Variants in PTK2B observed in about 807,000 individuals in gnomAD.
The protein encoded by PTK2B is protein tyrosine kinase 2 beta.
A neutral mutation model predicts 142.9 loss-of-function variants in PTK2B; 71 were observed. That is an observed-to-expected ratio of 0.50 (90% confidence interval 0.41 to 0.61). The LOEUF (loss-of-function observed/expected upper bound fraction) is 0.61, where lower values mean the gene tolerates loss of function less well. Among genes scored for constraint, PTK2B ranks in the 20% least tolerant of loss-of-function variants. The pLI, the probability that PTK2B is intolerant of heterozygous loss-of-function variation, is 0.00. For synonymous variants in PTK2B, 519 were observed against 503.4 expected (o/e 1.03, Z -0.42); for missense variants, 1,105 against 1,320.4 (o/e 0.84, Z 2.53).
chr8:27,443,950 C>T (rs936356820), intron 22 of PTK2B, among the ~76,000 whole-genome samples: 10 of 152,246 alleles, frequency 6.6e-5, no homozygotes, highest in Non-Finnish European at 1.2e-4. Flanking sequence ...GGAAGCAACA[C>T]ATGCACCAAT....
chr8:27,454,022 A>G lies in PTK2B; in HGVS notation c.2596-132A>G, dbSNP rs540145020. The G allele has an allele frequency of 7.5e-5, 98 of 1,306,352 alleles. No homozygotes were observed. The Middle Eastern group carries it at 1.2e-3, about 16-fold the overall frequency. 80.9% of individuals were successfully genotyped at this position (1,306,352 alleles called of 1,614,324 possible). The stretch of plus-strand genomic sequence containing the variant: ...GGCAATGCACCCCGGGACAGGGCAC[A>G]ATTATTCTAAAGAAGAGTCCTTTCC... On this transcript the variant is annotated intron_variant, in intron 28 of 30. Coordinates refer to ENST00000346049, the MANE Select transcript of PTK2B (RefSeq NM_173176.3).
intron 13 of PTK2B, 105 bp downstream of exon 13, chr8:27,434,664 A>G (rs1810663734): frequency 7.8e-7 from 1 of 1,282,092 alleles, no homozygotes. Flanking sequence ...CAAGTGACAG[A>G]AAAATGATCC....
At chr8:27,413,710 T>C (rs1274813727) in intron 2 of PTK2B, among the ~76,000 whole-genome samples, 1 of 152,230 alleles carries the variant, frequency 6.6e-6, no homozygotes, top group East Asian at 1.9e-4. Flanking sequence ...TTTGTGCATT[T>C]GTTTAGTACA....
intron 3 of PTK2B, among the ~76,000 whole-genome samples, chr8:27,319,438 C>T (rs10103404): frequency 0.046 from 6,914 of 150,928 alleles, 483 homozygotes; most frequent in African/African-American, 0.15. Flanking sequence ...GTCAGGAGAT[C>T]GAGACTGTCC....
intron 5 of PTK2B, 78 bp downstream of exon 5, chr8:27,422,461 A>C: frequency 7.7e-7 from 1 of 1,302,052 alleles, no homozygotes; most frequent in Non-Finnish European, 1.0e-6. Context: ...CATGTCCAAG[A>C]TGGGAAGCAG....
At chr8:27,386,486 A>G (rs1351702033) in intron 1 of PTK2B, among the ~76,000 whole-genome samples, 4 of 151,854 alleles carry the variant, frequency 2.6e-5, no homozygotes, top group Non-Finnish European at 4.4e-5. Flanking sequence ...TAATAGGTTT[A>G]TGGTGGTTCC....
At chr8:27,409,159 C>T (rs1808902635) in intron 2 of PTK2B, among the ~76,000 whole-genome samples, 1 of 152,172 alleles carries the variant, frequency 6.6e-6, no homozygotes, top group Non-Finnish European at 1.5e-5. Context: ...AGTCTGTAAA[C>T]ACTCTATAAA....
intron 1 of PTK2B, among the ~76,000 whole-genome samples, chr8:27,340,105 A>G (rs932019888): frequency 1.3e-5 from 2 of 152,234 alleles, no homozygotes; most frequent in Non-Finnish European, 2.9e-5. Context: ...CCAGCTCCAC[A>G]TCACTTAGCA....
rs564902331 is a variant in PTK2B, at chr8:27,331,811, G to T, written c.-38+6130G>T. Among the ~76,000 whole-genome samples, 8 of 152,292 alleles carry T rather than the reference G, an allele frequency of 5.3e-5. No individual in the cohort carries two copies. In the South Asian group the frequency reaches 1.4e-3, roughly 28 times the overall value. ...ATTAATGTACTGATTTAGGGTTTCTGATTTCTAAATTAATGTACTATGTCC... is the reference window on the plus strand; with the variant it reads ...ATTAATGTACTGATTTAGGGTTTCTTATTTCTAAATTAATGTACTATGTCC... On this transcript the variant is annotated intron_variant, in intron 1 of 30. Transcript: ENST00000346049.
intron 2 of PTK2B, among the ~76,000 whole-genome samples, chr8:27,417,514 A>T (rs1809476883): frequency 6.6e-6 from 1 of 152,152 alleles, no homozygotes; most frequent in African/African-American, 2.4e-5. Context: ...CTTAATTGGT[A>T]TGTGGGTTAC....
chr8:27,364,576 G>A (rs1805907854), intron 1 of PTK2B, among the ~76,000 whole-genome samples: 1 of 152,210 alleles, frequency 6.6e-6, no homozygotes, highest in Non-Finnish European at 1.5e-5. Flanking sequence ...CATTCGCTCA[G>A]TACTGCAGGG....
At chr8:27,436,874 C>T (rs1437724246) in intron 15 of PTK2B, among the ~76,000 whole-genome samples, 1 of 152,198 alleles carries the variant, frequency 6.6e-6, no homozygotes, top group Non-Finnish European at 1.5e-5. Context: ...TCAGTGTCCT[C>T]ATCTGGATGG....
intron 1 of PTK2B, among the ~76,000 whole-genome samples, chr8:27,384,660 A>G (rs1421879216): frequency 1.3e-5 from 2 of 152,334 alleles, no homozygotes; most frequent in East Asian, 1.9e-4. Context: ...CAGCTCAAAT[A>G]TATACAATTT....
chr8:27,365,503 T>A lies in PTK2B; in HGVS notation c.-37-32045T>A, dbSNP rs935246737. Among the ~76,000 whole-genome samples the A allele has an allele frequency of 3.3e-5, 5 of 152,284 alleles. No homozygotes were observed. The South Asian group carries it at 1.0e-3, about 32-fold the overall frequency. On this transcript the variant is annotated intron_variant, in intron 1 of 30. Transcript: ENST00000346049. ...CTCTGCAATATGGCAAAGTCCTGTA[T>A]GTTTCTTTGAGAGACAGTGTGGTGT...
chr8:27,351,635 C>T (rs1805099333), intron 1 of PTK2B, among the ~76,000 whole-genome samples: 1 of 152,118 alleles, frequency 6.6e-6, no homozygotes, highest in Non-Finnish European at 1.5e-5. Context: ...TGTACTAATG[C>T]CTCCAACTAG....
chr8:27,404,036 TC>T (rs200646408), intron 2 of PTK2B, among the ~76,000 whole-genome samples: 6 of 127,594 alleles, frequency 4.7e-5, no homozygotes, highest in East Asian at 2.1e-4. Context: ...ATTTGTCTCA[TC>T]CCCAGTTTCT....
Position 27,458,626 on chromosome 8 carries a change from T to G in PTK2B, c.*117T>G. 9.3e-7 allele frequency: 1 copy of G among 1,072,946 alleles called. No homozygotes were observed. The highest frequency in any genetic ancestry group is 1.3e-6 in the Non-Finnish European group (1 of 744,962). 66.5% of individuals were successfully genotyped at this position (1,072,946 alleles called of 1,614,324 possible). A position where few individuals can be genotyped will look rare whatever the true frequency, so the allele number is the denominator to read the frequency against. ...GAAGGCCAAGGGGAGTCACCTTCCC[T>G]TGCCACTTTGCACGACGCCCTCTCC... is the stretch of plus-strand genomic sequence containing the variant. On this transcript the variant is annotated 3_prime_UTR_variant, in exon 31 of 31. Coordinates refer to ENST00000346049, the MANE Select transcript of PTK2B (RefSeq NM_173176.3).
chr8:27,361,663 T>G (rs112965769), intron 1 of PTK2B, among the ~76,000 whole-genome samples: 1 of 152,048 alleles, frequency 6.6e-6, no homozygotes, highest in Non-Finnish European at 1.5e-5. Context: ...TAAAATTAGG[T>G]CATACTAAGG....
intron 1 of PTK2B, chr8:27,326,808 G>C (rs1803445903): frequency 6.6e-6 from 1 of 152,502 alleles, no homozygotes; most frequent in African/African-American, 2.4e-5. Context: ...GCATTGGTGG[G>C]ACAGTCTGCA....
Sources: allele counts gnomAD v4.1 joint callset (sites outside exome capture counted in the v4.1 genomes callset), GRCh38; gene constraint gnomAD v4.1.1; transcripts MANE v1.5; gene names NCBI Gene and HGNC (gene_info 2026-07-23, HGNC 2026-07-21).